The following TCF4 variants were observed in gnomAD, a reference collection of about 807,000 sequenced individuals.
TCF4 encodes SL3-3 enhancer factor 2.
Under a neutral mutation model 82.1 loss-of-function variants are expected in TCF4, and 3 were observed. That is an observed-to-expected ratio of 0.04 (90% confidence interval 0.02 to 0.09). The LOEUF (loss-of-function observed/expected upper bound fraction) is 0.09, where lower values mean the gene tolerates loss of function less well. TCF4 is among the 10% of genes least tolerant of loss of function. The probability of loss-of-function intolerance (pLI) is 1.00; values close to 1 mark genes in which losing one functional copy is unlikely to be tolerated. For synonymous variants in TCF4, 276 were observed against 309.6 expected (o/e 0.89, Z 1.14); for missense variants, 518 against 852.7 (o/e 0.61, Z 4.89).
chr18:55,364,293 T>TA (rs1425356808), intron 6 of TCF4, among the ~76,000 whole-genome samples: 1 of 152,212 alleles, frequency 6.6e-6, no homozygotes, highest in Non-Finnish European at 1.5e-5. Context: ...TACAAAAGCC[T>TA]AGCAGGAGTT....
intron 6 of TCF4, among the ~76,000 whole-genome samples, chr18:55,388,665 T>A (rs1376522235): frequency 6.6e-6 from 1 of 152,156 alleles, no homozygotes; most frequent in East Asian, 1.9e-4. Flanking sequence ...GGCTACTTGC[T>A]ATGACACAAA....
chr18:55,621,622 ATATAATATATATAT>A (rs2097719502), intron 2 of TCF4, among the ~76,000 whole-genome samples: 1 of 88,074 alleles, frequency 1.1e-5, no homozygotes, highest in African/African-American at 4.6e-5. Flanking sequence ...ATAATATTAT[ATATAATATATATAT>A]TATATAATAT....
intron 9 of TCF4, among the ~76,000 whole-genome samples, chr18:55,278,386 C>T (rs1442304997): frequency 2.0e-5 from 3 of 152,092 alleles, no homozygotes; most frequent in Non-Finnish European, 4.4e-5. Context: ...TGGTAAATTC[C>T]ACATCTAAAT....
chr18:55,519,976 T>G (rs750677032), intron 3 of TCF4, among the ~76,000 whole-genome samples: 6 of 152,208 alleles, frequency 3.9e-5, no homozygotes, highest in Admixed American at 6.5e-5. Context: ...TTTAGTGCTA[T>G]AAGAATCTTC....
At position 55,434,763 on chromosome 18, in the gene TCF4, C is replaced by CGTGTGTGTGTGTGTGTGTGTGTGT. The variant is rs527450659; in HGVS notation, c.304+26232_304+26255dup. Reference sequence around the variant, plus strand: ...ACATTCTGATCACCTCTCAAGTATTCGTGTGTGTGTGTGTGTGTGTGTGTG... The same window carrying CGTGTGTGTGTGTGTGTGTGTGTGT: ...ACATTCTGATCACCTCTCAAGTATTCGTGTGTGTGTGTGTGTGTGTGTGTGTGTGTGTGTGTGTGTGTGTGTGTG... On this transcript the variant is annotated intron_variant, in intron 5 of 19. Transcript: ENST00000354452. Among the ~76,000 whole-genome samples the CGTGTGTGTGTGTGTGTGTGTGTGT allele has an allele frequency of 4.9e-4, 65 of 131,780 alleles. 1 individual carries two copies. Among genetic ancestry groups the CGTGTGTGTGTGTGTGTGTGTGTGT allele is most frequent in the East Asian group, 3.0e-3 (13 of 4,398 alleles). The allele number at this position is 131,780 out of a possible 152,430, so 86.5% of individuals were successfully genotyped here. A position where few individuals can be genotyped will look rare whatever the true frequency, so the allele number is the denominator to read the frequency against.
rs2046142929 is a variant in TCF4 at position 55,223,490 on chromosome 18, T to C, written c.*4545A>G. 1.3e-5 allele frequency: 2 copies of C among 152,606 alleles called. No individual in the cohort carries two copies. Among genetic ancestry groups the C allele is most frequent in the African/African-American group, 2.4e-5 (1 of 41,456 alleles). 9.5% of individuals were successfully genotyped at this position (152,606 alleles called of 1,614,324 possible). A position where few individuals can be genotyped will look rare whatever the true frequency, so the allele number is the denominator to read the frequency against. ...CACATTTATTGCTACAGAACGGTCA[T>C]GTACATGACTTCATCGAATAACTAC... On this transcript the variant is annotated 3_prime_UTR_variant, in exon 20 of 20. Transcript: ENST00000354452.
At chr18:55,257,256 G>T in intron 14 of TCF4, 59 bp downstream of exon 14, 1 of 1,542,964 alleles carries the variant, frequency 6.5e-7, no homozygotes, top group Non-Finnish European at 9.0e-7. Flanking sequence ...AAAGGAGACT[G>T]AACAAGAAAG....
Position 55,226,023 on chromosome 18 carries a change from T to TA in TCF4, c.*2011_*2012insT, listed in dbSNP as rs2046544710. 7.8e-5 allele frequency: 11 copies of TA among 141,712 alleles called. No homozygotes were observed. Among genetic ancestry groups the TA allele is most frequent in the Admixed American group, 2.2e-4 (3 of 13,772 alleles). 8.8% of individuals were successfully genotyped at this position (141,712 alleles called of 1,614,324 possible). A position where few individuals can be genotyped will look rare whatever the true frequency, so the allele number is the denominator to read the frequency against. Reference sequence around the variant, plus strand: ...GAGACTTCTTTTTAAACCACAGTTTTTAAAAAAAAACAAAAACTGATACAA... The same window carrying TA: ...GAGACTTCTTTTTAAACCACAGTTTTATAAAAAAAAACAAAAACTGATACAA... On this transcript the variant is annotated 3_prime_UTR_variant, in exon 20 of 20. Transcript: ENST00000354452.
At chr18:55,590,435 C>T (rs1337720813), upstream of TCF4, among the ~76,000 whole-genome samples, 1 of 152,232 alleles carries the variant, frequency 6.6e-6, no homozygotes, top group Non-Finnish European at 1.5e-5. Context: ...TCATCTATTG[C>T]TTTGTAGACT....
intron 13 of TCF4, among the ~76,000 whole-genome samples, chr18:55,259,402 C>T (rs756566911): frequency 3.9e-5 from 6 of 152,238 alleles, no homozygotes; most frequent in East Asian, 3.9e-4. Context: ...ACAGGTCATA[C>T]GAATGTATTA....
At chr18:55,284,750 G>C (rs7505788) in intron 8 of TCF4, among the ~76,000 whole-genome samples, 7 of 152,204 alleles carry the variant, frequency 4.6e-5, no homozygotes, top group African/African-American at 1.7e-4. Flanking sequence ...ATGGAAAGCA[G>C]AAAACAGCAA....
At chr18:55,322,263 CTTTT>C in intron 8 of TCF4, 3 of 1,055,950 alleles carry the variant, frequency 2.8e-6, no homozygotes, top group South Asian at 9.1e-5. Flanking sequence ...CCCTCTCTTT[CTTTT>C]TTGTTTTAAT....
At chr18:55,577,266 ATG>A (rs1333710428) in intron 3 of TCF4, among the ~76,000 whole-genome samples, 1 of 147,274 alleles carries the variant, frequency 6.8e-6, no homozygotes, top group African/African-American at 2.5e-5. Context: ...TTATACATAT[ATG>A]TGTATATATA....
At chr18:55,549,717 G>C (rs1407622608) in intron 3 of TCF4, among the ~76,000 whole-genome samples, 1 of 151,766 alleles carries the variant, frequency 6.6e-6, no homozygotes, top group Non-Finnish European at 1.5e-5. Context: ...GCCTGAGGCT[G>C]TTTACAGTTA....
chr18:55,305,575 G>A (rs1195151196), intron 8 of TCF4, among the ~76,000 whole-genome samples: 1 of 152,144 alleles, frequency 6.6e-6, no homozygotes, highest in Non-Finnish European at 1.5e-5. Flanking sequence ...GTTTTTGGTT[G>A]TTAAGCTTTC....
Position 55,233,773 on chromosome 18 carries a change from C to G in TCF4, c.1486+775G>C, listed in dbSNP as rs546448563. On this transcript the variant is annotated intron_variant, in intron 16 of 19. Coordinates refer to ENST00000354452, the MANE Select transcript of TCF4 (RefSeq NM_001083962.2). ...GGTGGAGGTTGCAGTGAGCTGAGAT[C>G]GCACCACTGTACTCCAGCCTGGGCG... 2.7e-5 allele frequency among the ~76,000 whole-genome samples: 4 copies of G among 147,390 alleles called. No homozygotes were observed. The East Asian group carries it at 8.0e-4, about 29-fold the overall frequency.
rs142007817 is a variant in TCF4, at chr18:55,470,305, A to T, written c.146-6168T>A. On this transcript the variant is annotated intron_variant, in intron 3 of 19. Coordinates refer to ENST00000354452, the MANE Select transcript of TCF4 (RefSeq NM_001083962.2). The stretch of plus-strand genomic sequence containing the variant: ...AAAATCTGAGCCTTACATTTTTATG[A>T]CTCCTTGTTCTGCTAAACAGGTCAG... Among the ~76,000 whole-genome samples, 498 of 152,182 alleles carry T rather than the reference A, an allele frequency of 3.3e-3. 2 individuals carry two copies. Among genetic ancestry groups the T allele is most frequent in the African/African-American group, 0.011 (468 of 41,516 alleles).
At chr18:55,396,490 A>G (rs188232783) in intron 6 of TCF4, among the ~76,000 whole-genome samples, 51 of 152,326 alleles carry the variant, frequency 3.3e-4, no homozygotes, top group African/African-American at 9.1e-4. Flanking sequence ...CTGATAGCGC[A>G]GCTTCACAGA....
At chr18:55,300,231 G>A (rs1194091180) in intron 8 of TCF4, among the ~76,000 whole-genome samples, 4 of 152,152 alleles carry the variant, frequency 2.6e-5, no homozygotes, top group African/African-American at 9.7e-5. Flanking sequence ...GAGGGAATCT[G>A]CCCCCTATGC....
Sources: allele counts gnomAD v4.1 joint callset (sites outside exome capture counted in the v4.1 genomes callset), GRCh38; gene constraint gnomAD v4.1.1; transcripts MANE v1.5; gene names NCBI Gene and HGNC (gene_info 2026-07-23, HGNC 2026-07-21).